The following MAP2K6 variants were observed in gnomAD, a reference collection of about 807,000 sequenced individuals.
MAP2K6 encodes the protein dual specificity mitogen-activated protein kinase kinase 6.
A neutral mutation model predicts 53.7 loss-of-function variants in MAP2K6; 16 were observed. The observed-to-expected ratio is 0.30, with a 90% CI of 0.20 to 0.45. The LOEUF (loss-of-function observed/expected upper bound fraction) is 0.45, where lower values mean the gene tolerates loss of function less well. Among genes scored for constraint, MAP2K6 ranks in the 20% least tolerant of loss-of-function variants. The pLI is 1.00. For missense variants in MAP2K6, 204 were observed against 411.9 expected, an observed-to-expected ratio of 0.50 and a Z score of 4.37; for synonymous variants, 132 against 143.1, an observed-to-expected ratio of 0.92 and a Z score of 0.55.
At chr17:69,442,708 AT>A (rs1174188006) in intron 1 of MAP2K6, among the ~76,000 whole-genome samples, 2 of 152,180 alleles carry the variant, frequency 1.3e-5, no homozygotes, top group Admixed American at 6.5e-5. Context: ...TTCAACATGC[AT>A]TACCTAAGGT....
In MAP2K6 at chr17:69,544,689, C is replaced by A. The variant is rs1268826262; in HGVS notation, c.*2936C>A. ...TTTTTGAAAATGTTTATTAAAATAGCCATCTTTTTTGATATTATTGGTTTA... is the reference window on the plus strand; with the variant it reads ...TTTTTGAAAATGTTTATTAAAATAGACATCTTTTTTGATATTATTGGTTTA... On this transcript the variant is annotated 3_prime_UTR_variant, in exon 12 of 12. Transcript: ENST00000590474. 6.6e-6 allele frequency: 1 copy of A among 152,054 alleles called. No homozygotes were observed. Among genetic ancestry groups the A allele is most frequent in the Non-Finnish European group, 1.5e-5 (1 of 68,006 alleles). 9.4% of individuals were successfully genotyped at this position (152,054 alleles called of 1,614,324 possible).
chr17:69,428,990 G>A (rs1269335338), intron 1 of MAP2K6, among the ~76,000 whole-genome samples: 2 of 147,728 alleles, frequency 1.4e-5, no homozygotes, highest in Non-Finnish European at 3.0e-5. Flanking sequence ...AACTGAATTT[G>A]TGTTTAGTGG....
chr17:69,524,222 G>T (rs753864264), intron 8 of MAP2K6, among the ~76,000 whole-genome samples: 5 of 151,916 alleles, frequency 3.3e-5, no homozygotes, highest in African/African-American at 1.2e-4. Context: ...AAAGAGATAC[G>T]TTATTTGAAA....
intron 1 of MAP2K6, among the ~76,000 whole-genome samples, chr17:69,453,097 T>C (rs561386370): frequency 3.9e-5 from 6 of 152,290 alleles, no homozygotes; most frequent in African/African-American, 1.4e-4. Context: ...AATTACCTGA[T>C]GACGCAGAGC....
chr17:69,434,938 A>T (rs1173805619), intron 1 of MAP2K6: 1 of 152,216 alleles, frequency 6.6e-6, no homozygotes, highest in Admixed American at 6.5e-5. Context: ...AAGCCCAAAA[A>T]ATGTGAATAC....
intron 1 of MAP2K6, among the ~76,000 whole-genome samples, chr17:69,466,015 G>A (rs1907786531): frequency 6.8e-6 from 1 of 147,234 alleles, no homozygotes; most frequent in Non-Finnish European, 1.5e-5. Flanking sequence ...GCTCATGCCT[G>A]TAATCCCAGG....
intron 1 of MAP2K6, among the ~76,000 whole-genome samples, chr17:69,457,252 C>A (rs1907443429): frequency 6.6e-6 from 1 of 152,172 alleles, no homozygotes; most frequent in Admixed American, 6.5e-5. Context: ...TAACAGGAAG[C>A]ATTTGAGGAA....
At chr17:69,427,164 G>A (rs1906299332) in intron 1 of MAP2K6, among the ~76,000 whole-genome samples, 1 of 152,130 alleles carries the variant, frequency 6.6e-6, no homozygotes. Flanking sequence ...CTGCTAACAT[G>A]CCAACCTGCC....
rs961891119 is a variant in MAP2K6 at position 69,550,745 on chromosome 17, C to G, written c.*8992C>G. ...AGGTGAACTCTGCCTATCTGAACCTCTGTCAACCTCCAGTCAGAATATCTG... is the reference window on the plus strand; with the variant it reads ...AGGTGAACTCTGCCTATCTGAACCTGTGTCAACCTCCAGTCAGAATATCTG... On this transcript the variant is annotated 3_prime_UTR_variant, in exon 12 of 12. Coordinates refer to ENST00000590474, the MANE Select transcript of MAP2K6 (RefSeq NM_002758.4). 6 of 152,120 alleles carry G rather than the reference C, an allele frequency of 3.9e-5. No homozygotes were observed. The highest frequency in any genetic ancestry group is 3.3e-4 in the Admixed American group (5 of 15,266). The allele number at this position is 152,120 out of a possible 1,614,324, so 9.4% of individuals were successfully genotyped here.
At chr17:69,493,633 C>T (rs1460914452) in intron 1 of MAP2K6, among the ~76,000 whole-genome samples, 3 of 151,968 alleles carry the variant, frequency 2.0e-5, no homozygotes, top group Non-Finnish European at 2.9e-5. Context: ...TGGTGGTGTA[C>T]GTCTATAGTC....
intron 1 of MAP2K6, among the ~76,000 whole-genome samples, chr17:69,489,987 A>G (rs1296097807): frequency 1.3e-5 from 2 of 152,244 alleles, no homozygotes; most frequent in Non-Finnish European, 2.9e-5. Context: ...AGAAACAGCC[A>G]TGGGGCAAAG....
chr17:69,504,250 AG>A (rs1909334336), intron 1 of MAP2K6, among the ~76,000 whole-genome samples: 1 of 151,764 alleles, frequency 6.6e-6, no homozygotes, highest in Non-Finnish European at 1.5e-5. Context: ...TGTAGAGAAG[AG>A]GTGGGAAAGG....
chr17:69,542,482 A>T lies in MAP2K6; in HGVS notation c.*729A>T, dbSNP rs1403406197. On this transcript the variant is annotated 3_prime_UTR_variant, in exon 12 of 12. Coordinates refer to ENST00000590474, the MANE Select transcript of MAP2K6 (RefSeq NM_002758.4). ...CCCAACTTTGGAAAACATAAAAATC[A>T]CTCATATAACAGCTCAAAGAGTAAA... The T allele has an allele frequency of 6.6e-6, 1 of 152,506 alleles. No individual in the cohort carries two copies. Among genetic ancestry groups the T allele is most frequent in the East Asian group, 1.9e-4 (1 of 5,196 alleles). The allele number at this position is 152,506 out of a possible 1,614,324, so 9.4% of individuals were successfully genotyped here.
At chr17:69,448,128 C>T (rs537698899) in intron 1 of MAP2K6, among the ~76,000 whole-genome samples, 5 of 152,252 alleles carry the variant, frequency 3.3e-5, no homozygotes, top group South Asian at 2.1e-4. Flanking sequence ...ATTGTTACAG[C>T]GTTTCCCTAA....
chr17:69,444,638 T>C (rs1906916059), intron 1 of MAP2K6, among the ~76,000 whole-genome samples: 2 of 152,220 alleles, frequency 1.3e-5, no homozygotes, highest in African/African-American at 4.8e-5. Context: ...AGTCTCTCCA[T>C]GTCTGCATCA....
intron 1 of MAP2K6, chr17:69,485,296 T>C (rs1248667640): frequency 6.4e-6 from 1 of 156,882 alleles, no homozygotes; most frequent in Non-Finnish European, 1.4e-5. Context: ...GAACCACTTC[T>C]GAGTCATTTT....
At chr17:69,539,080 T>G (rs555869160) in intron 11 of MAP2K6, among the ~76,000 whole-genome samples, 2 of 152,330 alleles carry the variant, frequency 1.3e-5, no homozygotes, top group African/African-American at 4.8e-5. Context: ...TTCATTCAAG[T>G]GATTGCCCAG....
intron 1 of MAP2K6, among the ~76,000 whole-genome samples, chr17:69,469,311 A>G (rs1242417675): frequency 6.6e-6 from 1 of 152,228 alleles, no homozygotes; most frequent in Admixed American, 6.5e-5. Flanking sequence ...AAAATATCCA[A>G]GTAATCCTGA....
chr17:69,495,399 C>G (rs1381563813), intron 1 of MAP2K6, among the ~76,000 whole-genome samples: 1 of 151,944 alleles, frequency 6.6e-6, no homozygotes, highest in East Asian at 1.9e-4. Context: ...ACACGCCCAG[C>G]TAATTGTTGT....
Sources: allele counts gnomAD v4.1 joint callset (sites outside exome capture counted in the v4.1 genomes callset), GRCh38; gene constraint gnomAD v4.1.1; transcripts MANE v1.5; gene names NCBI Gene and HGNC (gene_info 2026-07-23, HGNC 2026-07-21).